Variants in NUP98 observed in about 807,000 individuals in gnomAD.
NUP98 encodes the protein nuclear pore complex protein Nup98-Nup96.
NUP98 carries 26 observed loss-of-function variants against 191.9 expected under a neutral mutation model. The ratio of observed to expected loss-of-function variants is 0.14; its 90% CI spans 0.10 to 0.19. NUP98 has a LOEUF of 0.19. Ranked by LOEUF, NUP98 falls within the 10% of genes least tolerant of loss-of-function variation. NUP98 has a pLI of 1.00. For synonymous variants in NUP98, 808 were observed against 778.4 expected, an observed-to-expected ratio of 1.04 and a Z score of -0.63; for missense variants, 1,941 against 2,178.8, an observed-to-expected ratio of 0.89 and a Z score of 2.17.
At chr11:3,695,645 G>C in intron 25 of NUP98, 39 bp from the exon 26 acceptor site, 1 of 1,402,226 alleles carries the variant, frequency 7.1e-7, no homozygotes, top group Non-Finnish European at 9.4e-7. Context: ...ATTACTAAGG[G>C]TTTATGGACT....
At chr11:3,776,072 G>A in intron 4 of NUP98, 51 bp from the exon 5 acceptor site, 1 of 1,395,636 alleles carries the variant, frequency 7.2e-7, no homozygotes, top group African/African-American at 1.5e-5. Context: ...ATTTAAGAAT[G>A]TATAAGATGC....
At position 3,775,938 on chromosome 11, in the gene NUP98, G is replaced by A. The variant is rs1173062345; in HGVS notation, c.439C>T (p.Leu147Phe). ...SNPFGSTSGS[L>F]FGPSSFTAAP... ...GCTGTAAAACTACTTGGCCCAAAGA[G>A]GGAGCCAGATGTGCTGCCAAAAGGA... The change falls in exon 5 of 33, where the codon CTC becomes TTC. Residue 147 changes from leucine to phenylalanine, a missense_variant. Physicochemically the swap from Leu to Phe is conservative, Grantham distance 22. Around this residue, in one of 6 missense-constraint regions of NUP98, gnomAD observed 154 missense variants for 182.9 expected, o/e 0.84. Coordinates refer to ENST00000324932, the MANE Select transcript of NUP98 (RefSeq NM_016320.5). 6 of 1,613,712 alleles carry A rather than the reference G, an allele frequency of 3.7e-6. No homozygotes were observed. Among genetic ancestry groups the A allele is most frequent in the South Asian group, 1.1e-5 (1 of 91,066 alleles).
At chr11:3,780,409 G>C (rs1458210687) in intron 2 of NUP98, among the ~76,000 whole-genome samples, 5 of 150,556 alleles carry the variant, frequency 3.3e-5, no homozygotes. Context: ...GGGCCTGGTG[G>C]AGGGTGCCTG....
chr11:3,715,465 G>C (rs1564836010), intron 18 of NUP98, among the ~76,000 whole-genome samples: 3 of 151,816 alleles, frequency 2.0e-5, no homozygotes, highest in Admixed American at 2.0e-4. Context: ...ATCCTAATGG[G>C]TATGGTATCT....
intron 12 of NUP98, 28 bp downstream of exon 12, chr11:3,744,481 A>C: frequency 6.4e-7 from 1 of 1,571,626 alleles, no homozygotes. Context: ...AAAATTAAGA[A>C]AAGCCTTCTA....
intron 25 of NUP98, 129 bp from the exon 26 acceptor site, chr11:3,695,735 C>T: frequency 1.6e-6 from 1 of 619,776 alleles, no homozygotes; most frequent in Non-Finnish European, 2.5e-6. Flanking sequence ...CTGCTTTCTG[C>T]AGTAGTGCCA....
At chr11:3,741,837 AGAAG>A (rs1234948788) in intron 12 of NUP98, among the ~76,000 whole-genome samples, 3 of 152,218 alleles carry the variant, frequency 2.0e-5, no homozygotes, top group Non-Finnish European at 4.4e-5. Flanking sequence ...GGTTACTGCA[AGAAG>A]GAAGACAGTC....
At chr11:3,691,032 C>CA (rs1236803446) in intron 28 of NUP98, among the ~76,000 whole-genome samples, 1 of 152,120 alleles carries the variant, frequency 6.6e-6, no homozygotes, top group African/African-American at 2.4e-5. Context: ...CAAAGGGGCA[C>CA]ACAGGCATTT....
intron 25 of NUP98, chr11:3,697,255 T>A (rs1389044838): frequency 1.3e-5 from 2 of 151,890 alleles, no homozygotes; most frequent in East Asian, 3.9e-4. Context: ...ATTTAAAAAA[T>A]AAAAAGAAAA....
chr11:3,743,534 C>A (rs1374371022), intron 12 of NUP98, among the ~76,000 whole-genome samples: 2 of 148,570 alleles, frequency 1.3e-5, no homozygotes, highest in African/African-American at 2.5e-5. Context: ...GTAGTCCCAG[C>A]TACTCAAGAG....
chr11:3,734,611 T>C (rs1238433072), intron 13 of NUP98, among the ~76,000 whole-genome samples: 2 of 152,240 alleles, frequency 1.3e-5, no homozygotes, highest in Non-Finnish European at 2.9e-5. Context: ...ACTACACTTT[T>C]AACACCATGT....
At chr11:3,721,007 T>TGTGA (rs911995906) in intron 16 of NUP98, 182 bp from the exon 17 acceptor site, 1 of 431,394 alleles carries the variant, frequency 2.3e-6, no homozygotes, top group Non-Finnish European at 4.1e-6. Flanking sequence ...TGTGTGTGTG[T>TGTGA]GAAAAGCTTC....
intron 20 of NUP98, 131 bp downstream of exon 20, chr11:3,712,433 C>G: frequency 6.8e-7 from 1 of 1,475,828 alleles, no homozygotes; most frequent in Non-Finnish European, 9.0e-7. Flanking sequence ...GCACTTGTTT[C>G]AACGTGATTG....
At chr11:3,747,199 T>C (rs1281408122) in intron 11 of NUP98, among the ~76,000 whole-genome samples, 2 of 152,158 alleles carry the variant, frequency 1.3e-5, no homozygotes, top group Admixed American at 6.6e-5. Context: ...AAAGAAGCTA[T>C]ATGGGGGGCA....
intron 28 of NUP98, among the ~76,000 whole-genome samples, chr11:3,689,210 G>C (rs556013058): frequency 1.3e-5 from 2 of 152,276 alleles, no homozygotes; most frequent in South Asian, 4.1e-4. Context: ...ACCAGCCCGG[G>C]TGACAGAGCA....
chr11:3,689,538 A>G (rs868130099), intron 28 of NUP98, among the ~76,000 whole-genome samples: 1 of 152,060 alleles, frequency 6.6e-6, no homozygotes, highest in South Asian at 2.1e-4. Context: ...CAAAAAAAAA[A>G]CCAAAAAACA....
At position 3,725,192 on chromosome 11, in the gene NUP98, C is replaced by T. The variant is rs1397552256; in HGVS notation, c.1758G>A (p.Lys586=). 6.3e-7 allele frequency: 1 copy of T among 1,580,660 alleles called. No homozygotes were observed. Among genetic ancestry groups the T allele is most frequent in the Non-Finnish European group, 8.7e-7 (1 of 1,153,376 alleles). The change falls in exon 15 of 33, where the codon AAG becomes AAA. Residue 586 remains lysine, a synonymous_variant. Transcript: ENST00000324932. ...PKKSIKKLVL[K]NLNNSNLFSP... ...AAAAGAGATTGCTATTATTAAGGTTCTTCAAAACCAACTTCTTAATGCTCT... is the reference window on the plus strand; with the variant it reads ...AAAAGAGATTGCTATTATTAAGGTTTTTCAAAACCAACTTCTTAATGCTCT...
chr11:3,794,573 C>T (rs1017940281), intron 1 of NUP98, among the ~76,000 whole-genome samples: 1 of 148,818 alleles, frequency 6.7e-6, no homozygotes, highest in Non-Finnish European at 1.5e-5. Context: ...GCAATCCACC[C>T]GCCTCGGCCT....
chr11:3,781,583 A>G (rs1476494274), intron 2 of NUP98: 1 of 152,208 alleles, frequency 6.6e-6, no homozygotes, highest in Non-Finnish European at 1.5e-5. Flanking sequence ...GCAATTAGTC[A>G]TACACGATAC....
Sources: allele counts gnomAD v4.1 joint callset (sites outside exome capture counted in the v4.1 genomes callset), GRCh38; gene constraint gnomAD v4.1.1; regional missense constraint gnomAD v4.1.1; transcripts MANE v1.5; gene names NCBI Gene and HGNC (gene_info 2026-07-23, HGNC 2026-07-21).